The following GPR18 variants were observed in gnomAD, a reference collection of about 807,000 sequenced individuals.
GPR18 encodes N-arachidonyl glycine receptor.
GPR18 carries 20 observed loss-of-function variants against 22.8 expected under a neutral mutation model. The ratio of observed to expected loss-of-function variants is 0.88; its 90% CI spans 0.62 to 1.28. The LOEUF is 1.28. Among genes scored for constraint, GPR18 ranks in the 50% most tolerant of loss-of-function variants. GPR18 has a pLI of 0.00. For synonymous variants in GPR18, 160 were observed against 155.3 expected, an observed-to-expected ratio of 1.03 and a Z score of -0.22; for missense variants, 379 against 412.0, an observed-to-expected ratio of 0.92 and a Z score of 0.69.
At chr13:99,257,039 A>G (rs987866529) in intron 1 of GPR18, among the ~76,000 whole-genome samples, 2 of 152,178 alleles carry the variant, frequency 1.3e-5, no homozygotes, top group African/African-American at 4.8e-5. Context: ...AACTTGAGCA[A>G]TTGCTGTGGT....
chr13:99,257,970 C>T (rs958942305), intron 1 of GPR18, among the ~76,000 whole-genome samples, 184 bp downstream of exon 1: 14 of 152,106 alleles, frequency 9.2e-5, no homozygotes, highest in African/African-American at 2.9e-4. Flanking sequence ...TTAATAGAGA[C>T]GGGGTCTCAC....
chr13:99,255,516 TCTGTCAGCA>T lies in GPR18; in HGVS notation c.348_356del (p.Ser116_Asp118del). 6.2e-7 allele frequency: 1 copy of T among 1,614,196 alleles called. No homozygotes were observed. On this transcript the variant is annotated inframe_deletion, in exon 2 of 2. Transcript: ENST00000397470. ...ACTTCGGCTGTACAATGGCCATGTA[TCTGTCAGCA>T]CTAATAAAGGCAAGAAGCCATAAAG...
intron 1 of GPR18, among the ~76,000 whole-genome samples, 189 bp downstream of exon 1, chr13:99,257,965 A>G (rs1040894730): frequency 6.6e-6 from 1 of 152,250 alleles, no homozygotes; most frequent in Admixed American, 6.5e-5. Context: ...TTTTTTTAAT[A>G]GAGACGGGGT....
At position 99,255,121 on chromosome 13, in the gene GPR18, CAG is replaced by C. The variant is rs1382005831; in HGVS notation, c.750_751del (p.Ile250MetfsTer49). 6.2e-7 allele frequency: 1 copy of C among 1,613,972 alleles called. No homozygotes were observed. Among genetic ancestry groups the C allele is most frequent in the Non-Finnish European group, 8.5e-7 (1 of 1,180,038 alleles). On this transcript the variant is annotated frameshift_variant, in exon 2 of 2. Transcript: ENST00000397470. LOFTEE classifies it high-confidence loss of function. ...CGTTCCCAGCATCAGGAAAGCGAAA[CAG>C]ATGTGGAAGGGCATAAAGCAGACGA... is the stretch of plus-strand genomic sequence containing the variant.
chr13:99,255,126 G>A lies in GPR18; in HGVS notation c.747C>T (p.His249=), dbSNP rs1415179428. The part of the protein sequence containing the change: ...VQVLVCFMPF[H]ICFAFLMLGT... ...CCAGCATCAGGAAAGCGAAACAGAT[G>A]TGGAAGGGCATAAAGCAGACGAGCA... The change falls in exon 2 of 2, where the codon CAC becomes CAT. Residue 249 remains histidine (H), a synonymous_variant. Coordinates refer to ENST00000397470, the MANE Select transcript of GPR18 (RefSeq NM_001098200.2). 1 of 1,614,024 alleles carries A rather than the reference G, an allele frequency of 6.2e-7. No homozygotes were observed. Among genetic ancestry groups the A allele is most frequent in the African/African-American group, 1.3e-5 (1 of 74,910 alleles).
chr13:99,256,864 G>GC (rs1377675182), intron 1 of GPR18, among the ~76,000 whole-genome samples: 1 of 152,170 alleles, frequency 6.6e-6, no homozygotes, highest in East Asian at 1.9e-4. Context: ...GGAATCTGTG[G>GC]CATCCCCTTG....
At chr13:99,257,085 T>C (rs982434780) in intron 1 of GPR18, among the ~76,000 whole-genome samples, 1 of 152,146 alleles carries the variant, frequency 6.6e-6, no homozygotes, top group Non-Finnish European at 1.5e-5. Flanking sequence ...CCTTCCTTCC[T>C]TTCCCTTCCC....
chr13:99,257,485 C>T (rs1469990090), intron 1 of GPR18, among the ~76,000 whole-genome samples: 1 of 151,746 alleles, frequency 6.6e-6, no homozygotes, highest in African/African-American at 2.4e-5. Flanking sequence ...TCTTTTTTCC[C>T]ACGTTATGCT....
chr13:99,256,390 G>A (rs1404115741), intron 1 of GPR18: 1 of 152,236 alleles, frequency 6.6e-6, no homozygotes, highest in Non-Finnish European at 1.5e-5. Context: ...ATGGTCAGCA[G>A]ATCAAGAACT....
intron 1 of GPR18, among the ~76,000 whole-genome samples, chr13:99,257,125 T>C (rs2043577006): frequency 2.0e-5 from 3 of 152,190 alleles, no homozygotes; most frequent in Admixed American, 2.0e-4. Flanking sequence ...TTCTTCTCCT[T>C]CTTTCCTTCT....
rs1320240042 is a variant in GPR18 at position 99,255,454 on chromosome 13, A to AGCACGGCTTT, written c.409_418dup (p.Leu140GlnfsTer25). The AGCACGGCTTT allele has an allele frequency of 1.2e-6, 2 of 1,614,126 alleles. No homozygotes were observed. The highest frequency in any genetic ancestry group is 2.7e-5 in the African/African-American group (2 of 75,020). On this transcript the variant is annotated frameshift_variant, in exon 2 of 2. Transcript: ENST00000397470. LOFTEE classifies it high-confidence loss of function. ...CATTATCCAGACTCCCACACACGCC[A>AGCACGGCTTT]GCACGGCTTTGCACGTGTTTTTAAG...
intron 1 of GPR18, 24 bp from the exon 2 acceptor site, chr13:99,255,930 A>C: frequency 6.9e-7 from 1 of 1,455,000 alleles, no homozygotes; most frequent in Non-Finnish European, 9.2e-7. Flanking sequence ...TAAGAAAAAT[A>C]AGAATAAAAT....
chr13:99,254,845 T>G lies in GPR18; in HGVS notation c.*32A>C. 1 of 1,556,390 alleles carries G rather than the reference T, an allele frequency of 6.4e-7. No individual in the cohort carries two copies. The highest frequency in any genetic ancestry group is 8.7e-7 in the Non-Finnish European group (1 of 1,143,708). ...GCCAGAGTAGTTAGTGAAGTGAATTTTGATGGGATTGAAATGAAAGAACCT... is the reference window on the plus strand; with the variant it reads ...GCCAGAGTAGTTAGTGAAGTGAATTGTGATGGGATTGAAATGAAAGAACCT... On this transcript the variant is annotated 3_prime_UTR_variant, in exon 2 of 2. Coordinates refer to ENST00000397470, the MANE Select transcript of GPR18 (RefSeq NM_001098200.2).
Position 99,255,137 on chromosome 13 carries a change from T to C in GPR18, c.736A>G (p.Met246Val). 1 of 1,614,124 alleles carries C rather than the reference T, an allele frequency of 6.2e-7. No homozygotes were observed. Among genetic ancestry groups the C allele is most frequent in the Non-Finnish European group, 8.5e-7 (1 of 1,180,030 alleles). ...TLLVQVLVCFMPFHICFAFLM... is the reference protein window; with the variant it reads ...TLLVQVLVCFVPFHICFAFLM... Reference sequence around the variant, plus strand: ...AAAGCGAAACAGATGTGGAAGGGCATAAAGCAGACGAGCACCTGCACCAGC... The same window carrying C: ...AAAGCGAAACAGATGTGGAAGGGCACAAAGCAGACGAGCACCTGCACCAGC... Residue 246 changes from methionine to valine, a missense_variant, in exon 2 of 2, where the codon ATG (methionine) becomes GTG (valine). Transcript: ENST00000397470.
Position 99,255,251 on chromosome 13 carries a change from A to G in GPR18, c.622T>C (p.Leu208=). ...TGAAGGAGATTATGAATAATGACCAAGTAGCACCCAATCATGATGAACAAA... is the reference window on the plus strand; with the variant it reads ...TGAAGGAGATTATGAATAATGACCAGGTAGCACCCAATCATGATGAACAAA... ...IPLFIMIGCY[L]VIIHNLLHGR... is the part of the protein sequence containing the mutation. The change falls in exon 2 of 2, where the codon TTG becomes CTG. Residue 208 remains leucine, a synonymous_variant. Coordinates refer to ENST00000397470, the MANE Select transcript of GPR18 (RefSeq NM_001098200.2). The G allele has an allele frequency of 6.2e-7, 1 of 1,614,154 alleles. No homozygotes were observed. The highest frequency in any genetic ancestry group is 8.5e-7 in the Non-Finnish European group (1 of 1,180,026).
Position 99,255,645 on chromosome 13 carries a change from G to T in GPR18, c.228C>A (p.Pro76=), listed in dbSNP as rs189039762. The change falls in exon 2 of 2, where the codon CCC becomes CCA. Residue 76 remains proline, a synonymous_variant. Transcript: ENST00000397470. ...LVDLIFIMTL[P]FRMFYYAKDE... ...CTTTTGCATAATAAAACATTCGAAA[G>T]GGTAAAGTCATTATAAATATCAAGT... is the stretch of plus-strand genomic sequence containing the variant. 1 of 1,614,028 alleles carries T rather than the reference G, an allele frequency of 6.2e-7. No homozygotes were observed. Among genetic ancestry groups the T allele is most frequent in the Non-Finnish European group, 8.5e-7 (1 of 1,179,996 alleles).
At position 99,255,495 on chromosome 13, in the gene GPR18, C is replaced by T. The variant is rs1398899115; in HGVS notation, c.378G>A (p.Pro126=). 15 of 1,613,944 alleles carry T rather than the reference C, an allele frequency of 9.3e-6. No homozygotes were observed. The highest frequency in any genetic ancestry group is 1.1e-5 in the Non-Finnish European group (13 of 1,180,022). Residue 126 remains proline, a synonymous_variant, in exon 2 of 2, where the codon CCG becomes CCA. Coordinates refer to ENST00000397470, the MANE Select transcript of GPR18 (RefSeq NM_001098200.2). ...TGTTTTTAAGTTCTTTGGCGTACTT[C>T]GGCTGTACAATGGCCATGTATCTGT... ...SADRYMAIVQ[P]KYAKELKNTC...
chr13:99,258,209 C>G lies in GPR18; in HGVS notation c.-90G>C, dbSNP rs1415946012. ...TGAGCATTTTTCAGCACTTCCACTT[C>G]TGTCGAAGGGATATCTTTGAGTTGC... is the stretch of plus-strand genomic sequence containing the variant. On this transcript the variant is annotated 5_prime_UTR_variant, in exon 1 of 2. Coordinates refer to ENST00000397470, the MANE Select transcript of GPR18 (RefSeq NM_001098200.2). 1 of 152,252 alleles carries G rather than the reference C, an allele frequency of 6.6e-6. No homozygotes were observed. The highest frequency in any genetic ancestry group is 2.4e-5 in the African/African-American group (1 of 41,466). The allele number at this position is 152,252 out of a possible 1,614,324, so 9.4% of individuals were successfully genotyped here. A position where few individuals can be genotyped will look rare whatever the true frequency, so the allele number is the denominator to read the frequency against.
intron 1 of GPR18, among the ~76,000 whole-genome samples, chr13:99,257,132 T>G (rs761613992): frequency 2.0e-5 from 3 of 152,192 alleles, no homozygotes; most frequent in Non-Finnish European, 4.4e-5. Context: ...CCTTCTTTCC[T>G]TCTCAAATAT....
Sources: gnomAD v4.1 joint callset for allele counts (sites outside exome capture counted in the v4.1 genomes callset) on GRCh38, gnomAD v4.1.1 for gene constraint, MANE v1.5 for transcripts, NCBI Gene and HGNC (gene_info 2026-07-23, HGNC 2026-07-21) for gene names.